SYNE2: variants seen among roughly 807,000 people sequenced by gnomAD.
SYNE2 encodes nesprin-2.
Under a neutral mutation model 856.3 loss-of-function variants are expected in SYNE2, and 431 were observed. That is an observed-to-expected ratio of 0.50 (90% CI 0.47 to 0.55). The LOEUF (loss-of-function observed/expected upper bound fraction) is 0.55. SYNE2 is among the 20% of genes least tolerant of loss of function. SYNE2 has a pLI of 0.00. For missense variants in SYNE2, 8,129 were observed against 8,023.2 expected (o/e 1.01, Z -0.50); for synonymous variants, 2,923 against 2,872.3 (o/e 1.02, Z -0.56).
chr14:64,139,822 A>C, intron 79 of SYNE2, 119 bp from the exon 80 acceptor site: 1 of 991,658 alleles, frequency 1.0e-6, no homozygotes, highest in East Asian at 2.4e-5. Context: ...TGATATTCTG[A>C]ATGTTAGGAC....
chr14:63,854,306 A>C (rs1891199098), intron 1 of SYNE2, among the ~76,000 whole-genome samples: 1 of 152,168 alleles, frequency 6.6e-6, no homozygotes, highest in South Asian at 2.1e-4. Context: ...CAATTAAACC[A>C]TGCCGGGCTA....
intron 85 of SYNE2, 103 bp from the exon 86 acceptor site, chr14:64,158,522 A>G (rs1190427398): frequency 1.6e-6 from 2 of 1,251,528 alleles, no homozygotes; most frequent in Non-Finnish European, 2.3e-6. Flanking sequence ...ATCCTTCAAT[A>G]CTCTCAAATT....
intron 1 of SYNE2, among the ~76,000 whole-genome samples, chr14:63,900,782 G>T (rs2095326683): frequency 6.6e-6 from 1 of 152,130 alleles, no homozygotes; most frequent in Admixed American, 6.6e-5. Flanking sequence ...TAAATAATAA[G>T]GGGAAAAGTT....
At chr14:63,975,987 G>A (rs904395891) in intron 11 of SYNE2, among the ~76,000 whole-genome samples, 1 of 152,220 alleles carries the variant, frequency 6.6e-6, no homozygotes, top group Non-Finnish European at 1.5e-5. Context: ...GGAGAAGCAA[G>A]CAGTCAGAGT....
At chr14:64,099,694 G>T (rs996055701) in intron 63 of SYNE2, 8 of 152,062 alleles carry the variant, frequency 5.3e-5, no homozygotes, top group Middle Eastern at 3.2e-3. Context: ...AGTGTTGTTT[G>T]TCTTTGACAG....
In SYNE2 at chr14:64,209,977, G is replaced by C. The variant is rs767193717; in HGVS notation, c.18576G>C (p.Gln6192His). 43 of 1,614,024 alleles carry C rather than the reference G, an allele frequency of 2.7e-5. No homozygotes were observed. Among genetic ancestry groups the C allele is most frequent in the Non-Finnish European group, 3.6e-5 (42 of 1,180,042 alleles). The change falls in exon 103 of 116, where the codon CAG becomes CAC. Residue 6192 changes from glutamine (Q) to histidine (H), a missense_variant. Physicochemically the swap from Gln to His is conservative, Grantham distance 24 (BLOSUM62 0). This residue lies in a region of SYNE2 where 5,410 missense variants were observed against 5,284.8 expected (regional missense o/e 1.02). Coordinates refer to ENST00000555002, the MANE Select transcript of SYNE2 (RefSeq NM_182914.3). ...GGCAGATTCATGAGCGGCTCACTCAGCTGGAGCTCATCAACAAGCAGTACC... is the reference window on the plus strand; with the variant it reads ...GGCAGATTCATGAGCGGCTCACTCACCTGGAGCTCATCAACAAGCAGTACC... ...FQRQIHERLTQLELINKQYRR... is the reference protein window; with the variant it reads ...FQRQIHERLTHLELINKQYRR...
At chr14:63,995,248 T>G in intron 23 of SYNE2, 46 bp downstream of exon 23, 677 of 1,513,292 alleles carry the variant, frequency 4.5e-4, no homozygotes, top group Non-Finnish European at 5.6e-4. Context: ...ATTTTGGGGT[T>G]TATCTTAAAT....
chr14:63,822,235 A>C (rs67826351), intron 1 of SYNE2, among the ~76,000 whole-genome samples: 61,474 of 151,990 alleles, frequency 0.4, 14,784 homozygotes, highest in South Asian at 0.55. Flanking sequence ...AACAAACAAA[A>C]AAAAAAACCC....
chr14:63,835,926 T>A (rs1333583199), intron 1 of SYNE2, among the ~76,000 whole-genome samples: 2 of 146,308 alleles, frequency 1.4e-5, no homozygotes, highest in South Asian at 2.1e-4. Context: ...GAGGTTGCAG[T>A]GAGCTGAGAT....
chr14:64,107,137 G>A (rs750618614), intron 64 of SYNE2, among the ~76,000 whole-genome samples: 2 of 152,144 alleles, frequency 1.3e-5, no homozygotes, highest in African/African-American at 4.8e-5. Context: ...TTATAGGTGT[G>A]AGACATCACA....
chr14:64,150,048 G>A (rs1379992179), intron 84 of SYNE2, among the ~76,000 whole-genome samples: 4 of 109,834 alleles, frequency 3.6e-5, no homozygotes, highest in African/African-American at 1.5e-4. Context: ...GTCTCACTCT[G>A]TCACCCAGGC....
chr14:63,959,287 C>CTTTTTTTTTTTTTTT (rs34198434), intron 8 of SYNE2, among the ~76,000 whole-genome samples: 3 of 81,386 alleles, frequency 3.7e-5, no homozygotes, highest in African/African-American at 5.2e-5. Context: ...TTTTCTTCTT[C>CTTTTTTTTTTTTTTT]TTTTTTTTTT....
chr14:64,068,295 A>G (rs1422029773), intron 51 of SYNE2, among the ~76,000 whole-genome samples: 1 of 152,118 alleles, frequency 6.6e-6, no homozygotes, highest in East Asian at 1.9e-4. Flanking sequence ...AGTGCCTTCC[A>G]TAACCTCCAG....
chr14:64,100,531 A>AAAAAAAAAAATATATAT (rs1491537041), intron 63 of SYNE2, among the ~76,000 whole-genome samples: 1 of 39,496 alleles, frequency 2.5e-5, no homozygotes, highest in African/African-American at 9.2e-5. Flanking sequence ...AAAAAAAAAA[A>AAAAAAAAAAATATATAT]ATATATATAT....
rs527539839 is a variant in SYNE2 at position 64,147,657 on chromosome 14, G to A, written c.15639+1434G>A. On this transcript the variant is annotated intron_variant, in intron 84 of 115. Transcript: ENST00000555002. Reference sequence around the variant, plus strand: ...CATCTGTAGAAACATAGATTAGCAAGCAAGCACTAAAAATAGTTTATATAA... The same window carrying A: ...CATCTGTAGAAACATAGATTAGCAAACAAGCACTAAAAATAGTTTATATAA... Among the ~76,000 whole-genome samples the A allele has an allele frequency of 5.3e-5, 8 of 152,290 alleles. No homozygotes were observed. In the South Asian group the frequency reaches 1.5e-3, roughly 28 times the overall value.
intron 87 of SYNE2, among the ~76,000 whole-genome samples, chr14:64,161,430 A>G (rs1177656330): frequency 6.6e-6 from 1 of 152,124 alleles, no homozygotes; most frequent in Non-Finnish European, 1.5e-5. Context: ...TTCCACTTCT[A>G]TGTAAGGAAC....
intron 83 of SYNE2, among the ~76,000 whole-genome samples, 176 bp from the exon 84 acceptor site, chr14:64,145,892 C>T (rs934634812): frequency 1.1e-4 from 17 of 152,122 alleles, no homozygotes; most frequent in African/African-American, 3.9e-4. Context: ...CTAAGAGGAG[C>T]TTTAACTCTG....
At chr14:64,066,527 C>T (rs531936137) in intron 51 of SYNE2, among the ~76,000 whole-genome samples, 4 of 152,156 alleles carry the variant, frequency 2.6e-5, no homozygotes, top group East Asian at 1.9e-4. Flanking sequence ...AAAAACACAA[C>T]GTAAAATTAT....
intron 74 of SYNE2, 148 bp downstream of exon 74, chr14:64,128,701 T>TA: frequency 1.5e-6 from 1 of 657,018 alleles, no homozygotes; most frequent in Non-Finnish European, 2.8e-6. Flanking sequence ...GTTGACTTTT[T>TA]AAAAACATCT....
Sources: gnomAD v4.1 joint callset for allele counts (sites outside exome capture counted in the v4.1 genomes callset) on GRCh38, gnomAD v4.1.1 for gene constraint, gnomAD v4.1.1 regional missense constraint, MANE v1.5 for transcripts, NCBI Gene and HGNC (gene_info 2026-07-23, HGNC 2026-07-21) for gene names.